The following COMMD10 variants were observed in gnomAD, a reference collection of about 807,000 sequenced individuals.
COMMD10 encodes COMM domain containing 10.
COMMD10 carries 33 observed loss-of-function variants against 28.9 expected under a neutral mutation model. The ratio of observed to expected loss-of-function variants is 1.14; its 90% CI spans 0.87 to 1.53. The LOEUF (loss-of-function observed/expected upper bound fraction) is 1.53. Ranked by LOEUF, COMMD10 falls within the 40% of genes most tolerant of loss-of-function variation. The pLI is 0.00. For missense variants in COMMD10, 310 were observed against 233.4 expected (o/e 1.33, Z -2.14); for synonymous variants, 110 against 81.7 (o/e 1.35, Z -1.87).
intron 5 of COMMD10, among the ~76,000 whole-genome samples, chr5:116,184,363 A>G (rs970261502): frequency 6.6e-6 from 1 of 151,348 alleles, no homozygotes; most frequent in Admixed American, 6.6e-5. Context: ...TTACTCTACA[A>G]TAAGTTGAAT....
At chr5:116,090,830 G>T (rs1750270100) in intron 2 of COMMD10, among the ~76,000 whole-genome samples, 2 of 152,176 alleles carry the variant, frequency 1.3e-5, no homozygotes, top group Admixed American at 1.3e-4. Flanking sequence ...CCTTAGCACA[G>T]GGCTCTGATG....
chr5:116,248,838 G>A (rs540272065), intron 5 of COMMD10, among the ~76,000 whole-genome samples: 1 of 151,910 alleles, frequency 6.6e-6, no homozygotes, highest in South Asian at 2.1e-4. Context: ...TGAAATGGAA[G>A]ACCAGAGACA....
intron 5 of COMMD10, among the ~76,000 whole-genome samples, chr5:116,155,306 C>G (rs1752670851): frequency 6.6e-6 from 1 of 151,992 alleles, no homozygotes; most frequent in Non-Finnish European, 1.5e-5. Flanking sequence ...TAACTGATGA[C>G]TTGGGTTGTT....
chr5:116,132,795 G>C (rs1387881985), intron 4 of COMMD10, among the ~76,000 whole-genome samples: 1 of 152,080 alleles, frequency 6.6e-6, no homozygotes, highest in Non-Finnish European at 1.5e-5. Flanking sequence ...CAGTGTTAAA[G>C]ATCAGTATGT....
chr5:116,126,220 A>T (rs1295181212), intron 4 of COMMD10, among the ~76,000 whole-genome samples: 2 of 152,132 alleles, frequency 1.3e-5, no homozygotes, highest in Non-Finnish European at 2.9e-5. Context: ...CTTACAAGGG[A>T]TGTGAAGGAC....
At chr5:116,191,216 C>T (rs1466097212) in intron 5 of COMMD10, among the ~76,000 whole-genome samples, 1 of 152,044 alleles carries the variant, frequency 6.6e-6, no homozygotes, top group East Asian at 1.9e-4. Flanking sequence ...GCCAGAGGAG[C>T]AGGGGGCAAA....
intron 5 of COMMD10, among the ~76,000 whole-genome samples, chr5:116,254,821 G>T (rs1005489758): frequency 2.0e-5 from 3 of 151,442 alleles, no homozygotes; most frequent in South Asian, 2.1e-4. Context: ...GGTCCGCTTG[G>T]TGCAGAGCTG....
intron 5 of COMMD10, among the ~76,000 whole-genome samples, chr5:116,134,759 C>T (rs1334993427): frequency 6.6e-6 from 1 of 152,044 alleles, no homozygotes; most frequent in East Asian, 1.9e-4. Context: ...GTAGCTGGGA[C>T]TACAGGCGCC....
At chr5:116,176,724 T>A (rs1205998227) in intron 5 of COMMD10, among the ~76,000 whole-genome samples, 4 of 152,176 alleles carry the variant, frequency 2.6e-5, no homozygotes, top group South Asian at 4.1e-4. Context: ...AATTTCCTAG[T>A]TATTGATTCT....
intron 5 of COMMD10, among the ~76,000 whole-genome samples, chr5:116,281,380 A>G (rs1409339459): frequency 6.6e-6 from 1 of 151,800 alleles, no homozygotes; most frequent in Non-Finnish European, 1.5e-5. Flanking sequence ...ATAGGATTAC[A>G]AATTAAAAAT....
At chr5:116,221,595 A>G (rs1749260086) in intron 5 of COMMD10, among the ~76,000 whole-genome samples, 1 of 152,184 alleles carries the variant, frequency 6.6e-6, no homozygotes, top group Non-Finnish European at 1.5e-5. Flanking sequence ...GCTGTGAAGA[A>G]AAGGTCTTAG....
At chr5:116,140,229 C>CTGTGTGTGTG (rs113427747) in intron 5 of COMMD10, among the ~76,000 whole-genome samples, 69 of 122,306 alleles carry the variant, frequency 5.6e-4, no homozygotes, top group South Asian at 2.5e-3. Flanking sequence ...ACTCATACTA[C>CTGTGTGTGTG]TATGTGTGTG....
intron 5 of COMMD10, among the ~76,000 whole-genome samples, chr5:116,267,253 CAG>C (rs531780787): frequency 1.3e-5 from 2 of 152,016 alleles, no homozygotes; most frequent in South Asian, 4.1e-4. Flanking sequence ...AGCAAAGTCT[CAG>C]GACACAAAAT....
In COMMD10 at chr5:116,267,313, CAG is replaced by C. The variant is rs547990728; in HGVS notation, c.511-24199_511-24198del. 2.1e-3 allele frequency among the ~76,000 whole-genome samples: 315 copies of C among 151,972 alleles called. 11 individuals carry two copies. Among genetic ancestry groups the C allele is most frequent in the African/African-American group, 7.3e-3 (302 of 41,274 alleles). ...TTCCTATACACCAATAACAGACAAA[CAG>C]AGAGTGAAATCATGAGTGAACTCCC... On this transcript the variant is annotated intron_variant, in intron 5 of 6. Coordinates refer to ENST00000274458, the MANE Select transcript of COMMD10 (RefSeq NM_016144.4).
chr5:116,218,043 CT>C, intron 5 of COMMD10: 3 of 1,129,898 alleles, frequency 2.7e-6, no homozygotes, highest in Non-Finnish European at 4.0e-6. Flanking sequence ...CCTCCAGCAC[CT>C]TCAGCTTTCT....
chr5:116,233,219 AAGAC>A (rs1749571580), intron 5 of COMMD10, among the ~76,000 whole-genome samples: 1 of 152,136 alleles, frequency 6.6e-6, no homozygotes, highest in Non-Finnish European at 1.5e-5. Flanking sequence ...GTGAGAGAGA[AAGAC>A]TACATTCTCA....
At chr5:116,232,489 A>T (rs1396819181) in intron 5 of COMMD10, among the ~76,000 whole-genome samples, 1 of 152,046 alleles carries the variant, frequency 6.6e-6, no homozygotes, top group Non-Finnish European at 1.5e-5. Flanking sequence ...GTGTTCAGAA[A>T]TAACAAAGAT....
intron 4 of COMMD10, among the ~76,000 whole-genome samples, chr5:116,124,547 T>G (rs867394015): frequency 6.6e-6 from 1 of 152,166 alleles, no homozygotes; most frequent in East Asian, 1.9e-4. Flanking sequence ...TATATTCTGT[T>G]GATTTGGGGT....
intron 5 of COMMD10, among the ~76,000 whole-genome samples, chr5:116,239,121 G>A (rs895754507): frequency 6.6e-6 from 1 of 151,852 alleles, no homozygotes; most frequent in African/African-American, 2.4e-5. Context: ...TTTGCCAATC[G>A]CAAATTTATA....
Sources: gnomAD v4.1 joint callset for allele counts (sites outside exome capture counted in the v4.1 genomes callset) on GRCh38, gnomAD v4.1.1 for gene constraint, MANE v1.5 for transcripts, NCBI Gene and HGNC (gene_info 2026-07-23, HGNC 2026-07-21) for gene names.